Variants in STMN4 observed in about 807,000 individuals in gnomAD.
The protein encoded by STMN4 is stathmin-4.
A neutral mutation model predicts 29.1 loss-of-function variants in STMN4; 12 were observed. The observed-to-expected ratio is 0.41, with a 90% CI of 0.26 to 0.67. STMN4 has a LOEUF of 0.67. Ranked by LOEUF, STMN4 falls within the 30% of genes least tolerant of loss-of-function variation. STMN4 has a pLI of 0.30. For synonymous variants in STMN4, 114 were observed against 105.3 expected (o/e 1.08, Z -0.51); for missense variants, 181 against 262.8 (o/e 0.69, Z 2.15).
At chr8:27,239,547 A>C (rs1801404245) in intron 6 of STMN4, 1 of 742,244 alleles carries the variant, frequency 1.3e-6, no homozygotes, top group South Asian at 2.0e-5. Context: ...CTCAGTGGGA[A>C]TCTCAGCTCA....
At chr8:27,239,564 C>T in intron 6 of STMN4, 1 of 835,372 alleles carries the variant, frequency 1.2e-6, no homozygotes, top group South Asian at 1.9e-5. Context: ...CTCATCATAC[C>T]CGTGACTTAG....
intron 1 of STMN4, among the ~76,000 whole-genome samples, chr8:27,245,431 C>T (rs993690530): frequency 1.8e-4 from 28 of 152,372 alleles, no homozygotes; most frequent in Non-Finnish European, 2.2e-4. Flanking sequence ...CGAGGTCCAG[C>T]TGGACTTAAA....
At chr8:27,242,992 G>C (rs1044908693) in intron 2 of STMN4, among the ~76,000 whole-genome samples, 1 of 152,146 alleles carries the variant, frequency 6.6e-6, no homozygotes, top group Non-Finnish European at 1.5e-5. Flanking sequence ...ACAAGGTCAG[G>C]CTATAAGCCT....
intron 1 of STMN4, among the ~76,000 whole-genome samples, chr8:27,255,714 T>C (rs949330454): frequency 2.0e-5 from 3 of 152,082 alleles, no homozygotes. Flanking sequence ...AAGTTATCAA[T>C]CAGCCCACAT....
chr8:27,241,195 G>A lies in STMN4; in HGVS notation c.258C>T (p.Thr86=), dbSNP rs1186650169. The change falls in exon 5 of 7, where the codon ACC becomes ACT. Residue 86 remains threonine, a synonymous_variant. Transcript: ENST00000350889. ...DMEVIELNKC[T]SGQSFEVILK... The stretch of plus-strand genomic sequence containing the variant: ...GGATGACTTCAAAGGATTGGCCCGA[G>A]GTGCATTTGTTCAGCTCGATGACTT... The A allele has an allele frequency of 1.2e-6, 2 of 1,614,076 alleles. No homozygotes were observed. The highest frequency in any genetic ancestry group is 1.7e-6 in the Non-Finnish European group (2 of 1,180,040).
intron 6 of STMN4, chr8:27,239,424 G>C: frequency 2.3e-6 from 2 of 869,038 alleles, no homozygotes; most frequent in Non-Finnish European, 3.5e-6. Flanking sequence ...CCGGCCTCAT[G>C]TTTCTCATAT....
At chr8:27,248,660 A>G (rs988012638) in intron 1 of STMN4, among the ~76,000 whole-genome samples, 3 of 152,186 alleles carry the variant, frequency 2.0e-5, no homozygotes, top group Admixed American at 6.5e-5. Context: ...TCATTTTTCT[A>G]TTAGGTTCTT....
chr8:27,242,757 C>G (rs1333421149), intron 2 of STMN4, among the ~76,000 whole-genome samples: 3 of 152,206 alleles, frequency 2.0e-5, no homozygotes, highest in Non-Finnish European at 4.4e-5. Flanking sequence ...GTCTCCTCCC[C>G]TTCCAGACCA....
intron 2 of STMN4, among the ~76,000 whole-genome samples, chr8:27,242,792 G>A: frequency 6.6e-6 from 1 of 152,138 alleles, no homozygotes; most frequent in East Asian, 1.9e-4. Context: ...CTCATGGAAA[G>A]GTCCCAAGCA....
chr8:27,244,827 G>GTAGTAGT (rs1257555400), intron 1 of STMN4, among the ~76,000 whole-genome samples: 3 of 152,138 alleles, frequency 2.0e-5, no homozygotes, highest in Non-Finnish European at 4.4e-5. Flanking sequence ...GAGGTGATGG[G>GTAGTAGT]AGCCCATGAA....
chr8:27,252,056 C>A (rs1002529583), intron 1 of STMN4, among the ~76,000 whole-genome samples: 1 of 151,564 alleles, frequency 6.6e-6, no homozygotes, highest in African/African-American at 2.4e-5. Context: ...TGAGAATATG[C>A]AGTGTTTGGT....
At chr8:27,243,234 A>G (rs1801527096) in intron 2 of STMN4, among the ~76,000 whole-genome samples, 1 of 151,622 alleles carries the variant, frequency 6.6e-6, no homozygotes, top group African/African-American at 2.4e-5. Context: ...CCCCATCCTC[A>G]TTTGCTTGTA....
chr8:27,256,608 A>G (rs1371096193), intron 1 of STMN4, among the ~76,000 whole-genome samples: 2 of 149,202 alleles, frequency 1.3e-5, no homozygotes, highest in African/African-American at 5.2e-5. Context: ...TGTACACACA[A>G]ATATACACAT....
intron 1 of STMN4, among the ~76,000 whole-genome samples, chr8:27,244,590 C>G (rs1036806812): frequency 2.0e-5 from 3 of 152,156 alleles, no homozygotes; most frequent in African/African-American, 7.2e-5. Context: ...TCGGTAGCAC[C>G]TGAGCAGTGC....
At position 27,241,709 on chromosome 8, in the gene STMN4, T is replaced by G. The variant is rs761992349; in HGVS notation, c.158A>C (p.Asp53Ala). ...TCTTCTTTCTCTCCAGTCAGCACTGTCTTTCCGCTGGCTTTCATCCTTCCT... is the reference window on the plus strand; with the variant it reads ...TCTTCTTTCTCTCCAGTCAGCACTGGCTTTCCGCTGGCTTTCATCCTTCCT... ...CRRKDESQRK[D>A]SADWRERRAQ... Residue 53 changes from aspartate to alanine, a missense_variant, in exon 4 of 7, where the codon GAC becomes GCC. Physicochemically the swap from Asp to Ala is moderately radical, Grantham distance 126. Transcript: ENST00000350889. 1 of 1,614,186 alleles carries G rather than the reference T, an allele frequency of 6.2e-7. No individual in the cohort carries two copies. Among genetic ancestry groups the G allele is most frequent in the South Asian group, 1.1e-5 (1 of 91,082 alleles).
At chr8:27,239,843 A>G (rs759159676) in intron 6 of STMN4, 128 bp downstream of exon 6, 70 of 1,557,510 alleles carry the variant, frequency 4.5e-5, no homozygotes, top group Non-Finnish European at 5.7e-5. Context: ...GATCCTGCCT[A>G]AGAAAAAGAT....
intron 2 of STMN4, among the ~76,000 whole-genome samples, chr8:27,243,212 C>T (rs1319822833): frequency 2.6e-5 from 4 of 152,102 alleles, no homozygotes; most frequent in Non-Finnish European, 4.4e-5. Context: ...CCTAGCACAG[C>T]GCAGGTGTTG....
intron 5 of STMN4, 26 bp from the exon 6 acceptor site, chr8:27,240,188 G>C (rs1055225097): frequency 6.2e-7 from 1 of 1,606,562 alleles, no homozygotes; most frequent in Non-Finnish European, 8.5e-7. Context: ...GGCAGAAGGA[G>C]GCCCTTCACA....
intron 1 of STMN4, among the ~76,000 whole-genome samples, chr8:27,245,190 C>A (rs1801590872): frequency 6.6e-6 from 1 of 152,220 alleles, no homozygotes; most frequent in Admixed American, 6.5e-5. Flanking sequence ...ATGAGAAAAA[C>A]CCATGCATAG....
Sources: gnomAD v4.1 joint callset for allele counts (sites outside exome capture counted in the v4.1 genomes callset) on GRCh38, gnomAD v4.1.1 for gene constraint, MANE v1.5 for transcripts, NCBI Gene and HGNC (gene_info 2026-07-23, HGNC 2026-07-21) for gene names.